MAPK10: variants seen among roughly 807,000 people sequenced by gnomAD.
The protein encoded by MAPK10 is JNK3 alpha protein kinase.
A neutral mutation model predicts 59.3 loss-of-function variants in MAPK10; 25 were observed. That is an observed-to-expected ratio of 0.42 (90% CI 0.31 to 0.59). The LOEUF (loss-of-function observed/expected upper bound fraction) is 0.59. Among genes scored for constraint, MAPK10 ranks in the 20% least tolerant of loss-of-function variants. The probability of loss-of-function intolerance (pLI) is 0.15; values close to 1 mark genes in which losing one functional copy is unlikely to be tolerated. For synonymous variants in MAPK10, 190 were observed against 200.5 expected (o/e 0.95, Z 0.44); for missense variants, 351 against 568.9 (o/e 0.62, Z 3.90).
At chr4:86,558,333 C>T (rs1394519440) in intron 1 of MAPK10, among the ~76,000 whole-genome samples, 1 of 152,082 alleles carries the variant, frequency 6.6e-6, no homozygotes, top group Non-Finnish European at 1.5e-5. Context: ...GTGCTAAAGA[C>T]GAGGCTTTGT....
chr4:86,021,773 G>A (rs912293281), intron 13 of MAPK10, among the ~76,000 whole-genome samples: 4 of 152,248 alleles, frequency 2.6e-5, no homozygotes, highest in Non-Finnish European at 5.9e-5. Flanking sequence ...GCTAAGGCCC[G>A]GCGAGAAATC....
intron 4 of MAPK10, among the ~76,000 whole-genome samples, chr4:86,139,383 T>C (rs1222974406): frequency 6.6e-6 from 1 of 150,554 alleles, no homozygotes; most frequent in East Asian, 2.0e-4. Flanking sequence ...ACGCCGCATA[T>C]CTACAACTAT....
At chr4:86,465,678 G>A (rs1421963704) in intron 1 of MAPK10, among the ~76,000 whole-genome samples, 1 of 152,188 alleles carries the variant, frequency 6.6e-6, no homozygotes, top group Non-Finnish European at 1.5e-5. Flanking sequence ...TTATGCTTGT[G>A]TTTCTCCAGG....
intron 1 of MAPK10, among the ~76,000 whole-genome samples, chr4:86,474,424 C>A (rs530405406): frequency 2.6e-4 from 39 of 152,208 alleles, no homozygotes; most frequent in Admixed American, 5.9e-4. Flanking sequence ...AAATGAAACT[C>A]AAATGAAATA....
rs532170512 is a variant in MAPK10 at position 86,075,850 on chromosome 4, T to A, written c.803-7895A>T. On this transcript the variant is annotated intron_variant, in intron 9 of 13. Transcript: ENST00000641462. Reference sequence around the variant, plus strand: ...CAGAGGTTACTGCTGTCTTTTTGTTTGTCTGTGCCCTGCCCCCAGAGGTGG... The same window carrying A: ...CAGAGGTTACTGCTGTCTTTTTGTTAGTCTGTGCCCTGCCCCCAGAGGTGG... 1.4e-3 allele frequency among the ~76,000 whole-genome samples: 218 copies of A among 152,300 alleles called. 1 individual carries two copies. Among genetic ancestry groups the A allele is most frequent in the African/African-American group, 4.7e-3 (197 of 41,576 alleles).
chr4:86,203,512 G>C lies in MAPK10; in HGVS notation c.-6-9105C>G, dbSNP rs140913108. Among the ~76,000 whole-genome samples, 314 of 151,056 alleles carry C rather than the reference G, an allele frequency of 2.1e-3. 1 individual carries two copies. The highest frequency in any genetic ancestry group is 7.3e-3 in the African/African-American group (302 of 41,226). On this transcript the variant is annotated intron_variant, in intron 2 of 13. Coordinates refer to ENST00000641462, the MANE Select transcript of MAPK10 (RefSeq NM_138982.4). ...GTCACTGAACTGCAATATATACAAG[G>C]AAAAACCATGAACTACTAATTATTT...
chr4:86,078,015 C>T (rs2049868569), intron 9 of MAPK10, among the ~76,000 whole-genome samples: 12 of 152,114 alleles, frequency 7.9e-5, no homozygotes, highest in Admixed American at 7.2e-4. Context: ...CTTGAATATT[C>T]GTAACGCAGG....
intron 2 of MAPK10, among the ~76,000 whole-genome samples, chr4:86,307,898 C>T (rs1205854862): frequency 6.6e-6 from 1 of 152,152 alleles, no homozygotes; most frequent in Non-Finnish European, 1.5e-5. Flanking sequence ...GACACCAGCA[C>T]ACAACTGTTG....
chr4:86,092,882 C>T (rs1360284239), intron 9 of MAPK10, among the ~76,000 whole-genome samples: 1 of 151,942 alleles, frequency 6.6e-6, no homozygotes, highest in East Asian at 1.9e-4. Context: ...CATCATCATT[C>T]TATCATTCCC....
At chr4:86,456,679 A>T (rs1579286767), upstream of MAPK10, among the ~76,000 whole-genome samples, 1 of 152,226 alleles carries the variant, frequency 6.6e-6, no homozygotes, top group Non-Finnish European at 1.5e-5. Flanking sequence ...ATTACCAACA[A>T]AAAAAAGTCC....
chr4:86,403,638 G>C (rs569184325), intron 1 of MAPK10, among the ~76,000 whole-genome samples: 2 of 152,270 alleles, frequency 1.3e-5, no homozygotes, highest in South Asian at 4.1e-4. Flanking sequence ...TTACAATCAT[G>C]ACAGAAGACA....
chr4:86,498,328 T>A (rs188025711), intron 1 of MAPK10, among the ~76,000 whole-genome samples: 5 of 152,376 alleles, frequency 3.3e-5, no homozygotes, highest in African/African-American at 1.2e-4. Context: ...AGCCACATTC[T>A]TCAATATCAC....
chr4:86,125,790 G>C (rs2059983091), intron 4 of MAPK10: 1 of 152,078 alleles, frequency 6.6e-6, no homozygotes, highest in Admixed American at 6.6e-5. Flanking sequence ...AGTTTATTGA[G>C]TATATTATGT....
chr4:86,440,688 G>T (rs1749312941), intron 1 of MAPK10, among the ~76,000 whole-genome samples: 1 of 150,684 alleles, frequency 6.6e-6, no homozygotes, highest in African/African-American at 2.4e-5. Flanking sequence ...AAATATAATA[G>T]AATATGTCCA....
intron 1 of MAPK10, among the ~76,000 whole-genome samples, chr4:86,535,100 G>T (rs1758131122): frequency 6.6e-6 from 1 of 151,978 alleles, no homozygotes; most frequent in South Asian, 2.1e-4. Flanking sequence ...TATATACATG[G>T]CTTAATACTC....
chr4:86,069,729 A>C (rs1359721259), intron 9 of MAPK10, among the ~76,000 whole-genome samples: 2 of 152,122 alleles, frequency 1.3e-5, no homozygotes, highest in African/African-American at 2.4e-5. Context: ...AAACTTCCTC[A>C]AAATTCTAAC....
At chr4:86,426,310 C>T (rs1376096456) in intron 1 of MAPK10, among the ~76,000 whole-genome samples, 4 of 152,132 alleles carry the variant, frequency 2.6e-5, no homozygotes, top group Non-Finnish European at 5.9e-5. Flanking sequence ...TGCTTAAATC[C>T]TTTTCAGAAT....
upstream of MAPK10, among the ~76,000 whole-genome samples, chr4:86,361,708 G>T (rs1008372393): frequency 3.3e-5 from 5 of 151,876 alleles, no homozygotes; most frequent in Non-Finnish European, 5.9e-5. Flanking sequence ...AGACTTATAA[G>T]AACAGGAAAT....
In MAPK10 at chr4:86,123,911, T is replaced by C. The variant is rs572094483; in HGVS notation, c.237-16559A>G. ...ATTTTATAAACATTTAAGTTATGGC[T>C]ACTTTATTTCATTTTATCATATGCC... On this transcript the variant is annotated intron_variant, in intron 4 of 13. Coordinates refer to ENST00000641462, the MANE Select transcript of MAPK10 (RefSeq NM_138982.4). 5.9e-5 allele frequency: 9 copies of C among 152,210 alleles called. No individual in the cohort carries two copies. In the East Asian group the frequency reaches 1.5e-3, roughly 26 times the overall value. The allele number at this position is 152,210 out of a possible 1,614,324, so 9.4% of individuals were successfully genotyped here.
Sources: gnomAD v4.1 joint callset for allele counts (sites outside exome capture counted in the v4.1 genomes callset) on GRCh38, gnomAD v4.1.1 for gene constraint, MANE v1.5 for transcripts, NCBI Gene and HGNC (gene_info 2026-07-23, HGNC 2026-07-21) for gene names.